PSD3: variants seen among roughly 807,000 people sequenced by gnomAD.
PSD3 encodes PH and SEC7 domain-containing protein 3.
A neutral mutation model predicts 105.5 loss-of-function variants in PSD3; 49 were observed. The ratio of observed to expected loss-of-function variants is 0.46; its 90% CI spans 0.37 to 0.59. PSD3 has a LOEUF of 0.59. Among genes scored for constraint, PSD3 ranks in the 20% least tolerant of loss-of-function variants. The pLI, the probability that PSD3 is intolerant of heterozygous loss-of-function variation, is 0.00. For missense variants in PSD3, 1,561 were observed against 1,263.8 expected (o/e 1.24, Z -3.57); for synonymous variants, 557 against 457.8 (o/e 1.22, Z -2.77).
chr8:19,053,145 A>G (rs1430644482), intron 1 of PSD3, among the ~76,000 whole-genome samples: 1 of 152,114 alleles, frequency 6.6e-6, no homozygotes, highest in Admixed American at 6.5e-5. Flanking sequence ...TATAAATTCA[A>G]TCAGACAGAA....
chr8:18,734,634 C>T (rs978880282), intron 9 of PSD3, among the ~76,000 whole-genome samples: 5 of 152,140 alleles, frequency 3.3e-5, no homozygotes, highest in East Asian at 3.9e-4. Flanking sequence ...CCTTATGGAA[C>T]TTAGCAAGTC....
intron 14 of PSD3, among the ~76,000 whole-genome samples, chr8:18,572,262 A>G (rs1382427966): frequency 6.6e-6 from 1 of 152,262 alleles, no homozygotes; most frequent in Non-Finnish European, 1.5e-5. Flanking sequence ...ACAAAACATC[A>G]AGTATTGCTC....
chr8:18,814,222 A>G (rs1812007692), intron 4 of PSD3, among the ~76,000 whole-genome samples: 1 of 152,210 alleles, frequency 6.6e-6, no homozygotes, highest in African/African-American at 2.4e-5. Flanking sequence ...AAATTTTAGT[A>G]AGCATCACAT....
intron 9 of PSD3, among the ~76,000 whole-genome samples, chr8:18,723,122 C>T (rs529686043): frequency 7.2e-5 from 11 of 152,238 alleles, no homozygotes; most frequent in Admixed American, 6.5e-4. Context: ...ATTGACACAG[C>T]AAAACTCATG....
intron 12 of PSD3, among the ~76,000 whole-genome samples, chr8:18,586,919 G>T (rs929248756): frequency 1.1e-4 from 17 of 152,082 alleles, no homozygotes; most frequent in African/African-American, 4.1e-4. Context: ...GTGTGCTAGT[G>T]AGGCCCTTAA....
At chr8:18,576,466 T>A (rs1232767588) in intron 12 of PSD3, among the ~76,000 whole-genome samples, 1 of 152,198 alleles carries the variant, frequency 6.6e-6, no homozygotes, top group African/African-American at 2.4e-5. Flanking sequence ...AAGGTATTTA[T>A]ATGTACCTGT....
At chr8:18,542,395 A>G (rs1800200709) in intron 15 of PSD3, among the ~76,000 whole-genome samples, 1 of 152,208 alleles carries the variant, frequency 6.6e-6, no homozygotes. Context: ...TCTCTGGGTC[A>G]GAGGATATTA....
intron 1 of PSD3, among the ~76,000 whole-genome samples, chr8:18,992,352 G>T (rs1297089471): frequency 6.6e-6 from 1 of 151,940 alleles, no homozygotes; most frequent in Non-Finnish European, 1.5e-5. Context: ...AAAACAATTT[G>T]ATGGTTTCTC....
chr8:18,573,777 T>A (rs1802303850), intron 13 of PSD3, among the ~76,000 whole-genome samples: 1 of 152,116 alleles, frequency 6.6e-6, no homozygotes, highest in South Asian at 2.1e-4. Flanking sequence ...AGTGGGTGCC[T>A]GGGGCTGGAG....
chr8:18,983,220 C>A (rs892462167), intron 1 of PSD3, among the ~76,000 whole-genome samples: 1 of 152,170 alleles, frequency 6.6e-6, no homozygotes, highest in African/African-American at 2.4e-5. Context: ...CCTCTCTCAG[C>A]CAAGAATTGG....
chr8:19,035,299 T>C (rs1304681449), intron 1 of PSD3, among the ~76,000 whole-genome samples: 1 of 152,170 alleles, frequency 6.6e-6, no homozygotes, highest in Non-Finnish European at 1.5e-5. Context: ...TTTCTGTGTA[T>C]CTCTATTTAC....
chr8:19,005,633 C>T (rs188664733), intron 1 of PSD3, among the ~76,000 whole-genome samples: 1 of 152,000 alleles, frequency 6.6e-6, no homozygotes, highest in Admixed American at 6.5e-5. Context: ...TACAGGCACA[C>T]ATCACCATGC....
intron 8 of PSD3, among the ~76,000 whole-genome samples, chr8:18,775,299 C>T (rs1339804479): frequency 2.6e-5 from 4 of 152,084 alleles, no homozygotes; most frequent in South Asian, 2.1e-4. Flanking sequence ...TCTTGGCTAA[C>T]GTGAATAGTA....
chr8:19,029,650 A>G (rs559226942), intron 1 of PSD3, among the ~76,000 whole-genome samples: 38 of 152,184 alleles, frequency 2.5e-4, no homozygotes, highest in African/African-American at 8.9e-4. Context: ...TGACTAAATT[A>G]CCTCCCAATG....
At chr8:19,072,647 G>A (rs1829308596) in intron 1 of PSD3, among the ~76,000 whole-genome samples, 1 of 152,172 alleles carries the variant, frequency 6.6e-6, no homozygotes. Context: ...ATGCAACCAG[G>A]ACACAGAAGC....
intron 2 of PSD3, among the ~76,000 whole-genome samples, chr8:18,889,053 A>C (rs1021547593): frequency 1.3e-5 from 2 of 151,986 alleles, no homozygotes; most frequent in African/African-American, 2.4e-5. Context: ...TACTGAATTC[A>C]AGTTTTCCAA....
At chr8:18,808,792 C>G in intron 4 of PSD3, 6 of 1,614,066 alleles carry the variant, frequency 3.7e-6, no homozygotes, top group Non-Finnish European at 5.1e-6. Context: ...CCCATCGCAA[C>G]CCCTGGGGTG....
At chr8:18,581,122 C>T (rs896305075) in intron 12 of PSD3, among the ~76,000 whole-genome samples, 22 of 152,272 alleles carry the variant, frequency 1.4e-4, no homozygotes, top group Admixed American at 1.0e-3. Context: ...GGATGACTCA[C>T]TCTGTAACGA....
chr8:18,970,105 C>G (rs961215300), intron 1 of PSD3, among the ~76,000 whole-genome samples: 1 of 151,710 alleles, frequency 6.6e-6, no homozygotes, highest in African/African-American at 2.4e-5. Flanking sequence ...TTGGGCGGAT[C>G]ACGAGGTCAG....
Sources: gnomAD v4.1 joint callset for allele counts (sites outside exome capture counted in the v4.1 genomes callset) on GRCh38, gnomAD v4.1.1 for gene constraint, MANE v1.5 for transcripts, NCBI Gene and HGNC (gene_info 2026-07-23, HGNC 2026-07-21) for gene names.